The following LUZP2 variants were observed in gnomAD, a reference collection of about 807,000 sequenced individuals.
LUZP2 encodes leucine zipper protein 2.
In LUZP2, 52 loss-of-function variants were observed where a neutral mutation model predicts 51.6. That is an observed-to-expected ratio of 1.01 (90% CI 0.81 to 1.27). The LOEUF is 1.27. Among genes scored for constraint, LUZP2 ranks in the 50% most tolerant of loss-of-function variants. The pLI, the probability that LUZP2 is intolerant of heterozygous loss-of-function variation, is 0.00. For synonymous variants in LUZP2, 154 were observed against 137.3 expected (o/e 1.12, Z -0.85); for missense variants, 436 against 395.4 (o/e 1.10, Z -0.87).
Position 25,079,867 on chromosome 11 carries a change from A to G in LUZP2, c.*1209A>G, listed in dbSNP as rs1337610884. On this transcript the variant is annotated 3_prime_UTR_variant, in exon 12 of 12. Transcript: ENST00000336930. The stretch of plus-strand genomic sequence containing the variant: ...TGCAGGATGGATCTGTCAAACCACA[A>G]TATATACATTTGGATCAGTGTATCC... 6.6e-6 allele frequency: 1 copy of G among 152,146 alleles called. No homozygotes were observed. Among genetic ancestry groups the G allele is most frequent in the Admixed American group, 6.6e-5 (1 of 15,264 alleles). 9.4% of individuals were successfully genotyped at this position (152,146 alleles called of 1,614,324 possible).
intron 5 of LUZP2, among the ~76,000 whole-genome samples, chr11:24,865,260 G>A (rs150263646): frequency 1.2e-4 from 19 of 152,272 alleles, no homozygotes; most frequent in African/African-American, 3.6e-4. Context: ...AGCATAATTC[G>A]TAGCATTTGG....
Position 24,933,341 on chromosome 11 carries a change from A to G in LUZP2, c.522+18803A>G, listed in dbSNP as rs139781415. On this transcript the variant is annotated intron_variant, in intron 7 of 11. Coordinates refer to ENST00000336930, the MANE Select transcript of LUZP2 (RefSeq NM_001009909.4). ...GAGCTGCAAGTTAGTCCTGCCTCCT[A>G]TCCACCATTTTCGCTGGAATCTCAA... is the stretch of plus-strand genomic sequence containing the variant. Among the ~76,000 whole-genome samples the G allele has an allele frequency of 9.4e-3, 1,427 of 152,236 alleles. 13 individuals carry two copies. The highest frequency in any genetic ancestry group is 0.012 in the Non-Finnish European group (818 of 68,008).
At chr11:24,580,550 C>T (rs1852813117) in intron 1 of LUZP2, among the ~76,000 whole-genome samples, 1 of 151,866 alleles carries the variant, frequency 6.6e-6, no homozygotes, top group Admixed American at 6.6e-5. Flanking sequence ...AATCACTTTG[C>T]AATTAAACTT....
In LUZP2 at chr11:24,983,301, C is replaced by T. The variant is rs1378409182; in HGVS notation, c.765+8C>T. On this transcript the variant is annotated splice_region_variant and intron_variant, in intron 9 of 11. Transcript: ENST00000336930. Reference sequence around the variant, plus strand: ...GCAGCGGCCAAAAGCAAGGTACCTACCTTTTATTTGCGCTTTGTAAAGTAA... The same window carrying T: ...GCAGCGGCCAAAAGCAAGGTACCTATCTTTTATTTGCGCTTTGTAAAGTAA... The T allele has an allele frequency of 3.7e-6, 6 of 1,610,208 alleles. No individual in the cohort carries two copies. The highest frequency in any genetic ancestry group is 5.1e-6 in the Non-Finnish European group (6 of 1,177,886).
rs74694358 is a variant in LUZP2 at position 24,749,536 on chromosome 11, G to A, written c.333+11234G>A. On this transcript the variant is annotated intron_variant, in intron 4 of 11. Coordinates refer to ENST00000336930, the MANE Select transcript of LUZP2 (RefSeq NM_001009909.4). ...AGAAAGACCTACCCTCAATGTAGGC[G>A]GCACCATCCAATGAGCTGTCAGCAC... Among the ~76,000 whole-genome samples the A allele has an allele frequency of 4.7e-3, 713 of 152,152 alleles. 9 individuals carry two copies. Among genetic ancestry groups the A allele is most frequent in the African/African-American group, 0.016 (661 of 41,512 alleles).
chr11:24,975,958 C>G (rs1855871090), intron 7 of LUZP2, among the ~76,000 whole-genome samples: 1 of 151,940 alleles, frequency 6.6e-6, no homozygotes, highest in African/African-American at 2.4e-5. Context: ...TCTCTCAGTT[C>G]TGGATGCTAG....
At chr11:24,697,589 T>A (rs967195289) in intron 1 of LUZP2, among the ~76,000 whole-genome samples, 3 of 152,178 alleles carry the variant, frequency 2.0e-5, no homozygotes, top group African/African-American at 7.2e-5. Context: ...GCAAGGGCGA[T>A]AATAGCTCCT....
intron 4 of LUZP2, among the ~76,000 whole-genome samples, chr11:24,749,372 C>T (rs765697188): frequency 1.6e-4 from 25 of 152,292 alleles, no homozygotes; most frequent in South Asian, 8.3e-4. Context: ...TTTGGTTATA[C>T]GCCCCTGTGA....
intron 1 of LUZP2, among the ~76,000 whole-genome samples, chr11:24,669,089 A>G (rs558145907): frequency 6.6e-6 from 1 of 152,298 alleles, no homozygotes; most frequent in African/African-American, 2.4e-5. Flanking sequence ...AAAAAAGGAA[A>G]TCAAAAGAAC....
chr11:24,593,149 C>A (rs1853316193), intron 1 of LUZP2, among the ~76,000 whole-genome samples: 1 of 152,022 alleles, frequency 6.6e-6, no homozygotes, highest in Non-Finnish European at 1.5e-5. Context: ...CATTTTTGGC[C>A]CATAAGTAAA....
intron 5 of LUZP2, among the ~76,000 whole-genome samples, chr11:24,806,463 A>G (rs916177255): frequency 2.0e-5 from 3 of 152,194 alleles, no homozygotes; most frequent in Non-Finnish European, 4.4e-5. Flanking sequence ...AGTTACTAAG[A>G]CATTGTATAG....
rs571955745 is a variant in LUZP2, at chr11:25,000,508, G to A, written c.765+17215G>A. 3.9e-5 allele frequency among the ~76,000 whole-genome samples: 6 copies of A among 152,288 alleles called. No individual in the cohort carries two copies. In the East Asian group the frequency reaches 9.7e-4, roughly 25 times the overall value. On this transcript the variant is annotated intron_variant, in intron 9 of 11. Coordinates refer to ENST00000336930, the MANE Select transcript of LUZP2 (RefSeq NM_001009909.4). ...TGGGGTTCCATTTATAAGACCACCTGTAGCTTGATGCCCTCAATTCTGGAG... is the reference window on the plus strand; with the variant it reads ...TGGGGTTCCATTTATAAGACCACCTATAGCTTGATGCCCTCAATTCTGGAG...
intron 10 of LUZP2, among the ~76,000 whole-genome samples, chr11:25,071,149 C>A (rs1859146353): frequency 6.6e-6 from 1 of 151,778 alleles, no homozygotes; most frequent in South Asian, 2.1e-4. Flanking sequence ...ATGAAACATA[C>A]CTATTTGTAT....
At chr11:24,851,318 A>ATGAAGGGGTG (rs1851387454) in intron 5 of LUZP2, among the ~76,000 whole-genome samples, 1 of 151,030 alleles carries the variant, frequency 6.6e-6, no homozygotes, top group Admixed American at 6.6e-5. Flanking sequence ...AGTTTTTAGC[A>ATGAAGGGGTG]TTGAATTTTG....
At chr11:24,859,224 A>T (rs992173290) in intron 5 of LUZP2, among the ~76,000 whole-genome samples, 1 of 152,196 alleles carries the variant, frequency 6.6e-6, no homozygotes, top group East Asian at 1.9e-4. Context: ...TCAAATTACA[A>T]TTTAAATTTT....
intron 1 of LUZP2, among the ~76,000 whole-genome samples, chr11:24,514,682 G>A (rs1270456997): frequency 9.9e-5 from 15 of 151,484 alleles, no homozygotes; most frequent in Non-Finnish European, 1.5e-5. Flanking sequence ...TTTTTCTTTT[G>A]ATATTCCCAA....
chr11:24,842,477 C>T (rs533573424), intron 5 of LUZP2, among the ~76,000 whole-genome samples: 3 of 151,942 alleles, frequency 2.0e-5, no homozygotes, highest in Admixed American at 2.0e-4. Flanking sequence ...GCAATGTACA[C>T]TATATTAATT....
intron 1 of LUZP2, among the ~76,000 whole-genome samples, chr11:24,711,367 G>A (rs1453455443): frequency 3.9e-5 from 6 of 152,006 alleles, no homozygotes; most frequent in African/African-American, 1.2e-4. Flanking sequence ...GGAGAATGGC[G>A]TGAACCCGGG....
intron 5 of LUZP2, among the ~76,000 whole-genome samples, chr11:24,810,213 A>C (rs1302855735): frequency 6.6e-6 from 1 of 152,184 alleles, no homozygotes; most frequent in African/African-American, 2.4e-5. Context: ...GTACACACAC[A>C]CACATATACA....
Sources: gnomAD v4.1 joint callset for allele counts (sites outside exome capture counted in the v4.1 genomes callset) on GRCh38, gnomAD v4.1.1 for gene constraint, MANE v1.5 for transcripts, NCBI Gene and HGNC (gene_info 2026-07-23, HGNC 2026-07-21) for gene names.